Variants in ZSCAN31 observed in about 807,000 individuals in gnomAD.
ZSCAN31 encodes the protein zinc finger and SCAN domain-containing protein 31.
Under a neutral mutation model 22.5 loss-of-function variants are expected in ZSCAN31, and 14 were observed. The observed-to-expected ratio is 0.62, with a 90% CI of 0.41 to 0.97. The LOEUF (loss-of-function observed/expected upper bound fraction) is 0.97. Among genes scored for constraint, ZSCAN31 ranks in the 50% least tolerant of loss-of-function variants. The probability of loss-of-function intolerance (pLI) is 0.00; values close to 1 mark genes in which losing one functional copy is unlikely to be tolerated. For synonymous variants in ZSCAN31, 168 were observed against 169.8 expected, an observed-to-expected ratio of 0.99 and a Z score of 0.08; for missense variants, 424 against 483.4, an observed-to-expected ratio of 0.88 and a Z score of 1.15.
intron 2 of ZSCAN31, among the ~76,000 whole-genome samples, chr6:28,348,970 CAT>C (rs1401341115): frequency 2.9e-5 from 4 of 137,592 alleles, no homozygotes; most frequent in African/African-American, 1.1e-4. Context: ...GGTGTATATA[CAT>C]GTCTCATATA....
chr6:28,340,720 A>G (rs1764377906), upstream of ZSCAN31, among the ~76,000 whole-genome samples: 1 of 152,208 alleles, frequency 6.6e-6, no homozygotes, highest in Non-Finnish European at 1.5e-5. Context: ...GCCAGCTTAA[A>G]ATGATATTAT....
intron 2 of ZSCAN31, among the ~76,000 whole-genome samples, chr6:28,328,334 C>T (rs956674994): frequency 6.6e-6 from 1 of 152,166 alleles, no homozygotes; most frequent in Admixed American, 6.5e-5. Flanking sequence ...GTCTATTTCA[C>T]CCCAGCAGTC....
chr6:28,346,427 A>G (rs941834423), intron 2 of ZSCAN31, among the ~76,000 whole-genome samples: 6 of 139,672 alleles, frequency 4.3e-5, no homozygotes, highest in African/African-American at 1.6e-4. Flanking sequence ...GCGTGATCTC[A>G]GCTCACTACA....
In ZSCAN31 at chr6:28,326,031, C is replaced by T; in HGVS notation, c.*135G>A. Reference sequence around the variant, plus strand: ...AGAACAGAATAAGCCACTTGAAAATCTTACTTTCCAAGACGGCCCCATTTA... The same window carrying T: ...AGAACAGAATAAGCCACTTGAAAATTTTACTTTCCAAGACGGCCCCATTTA... On this transcript the variant is annotated 3_prime_UTR_variant, in exon 4 of 4. Coordinates refer to ENST00000344279, the MANE Select transcript of ZSCAN31 (RefSeq NM_030899.5). The T allele has an allele frequency of 3.7e-6, 3 of 808,646 alleles. No homozygotes were observed. Among genetic ancestry groups the T allele is most frequent in the Non-Finnish European group, 5.9e-6 (3 of 506,654 alleles). 50.1% of individuals were successfully genotyped at this position (808,646 alleles called of 1,614,324 possible). A position where few individuals can be genotyped will look rare whatever the true frequency, so the allele number is the denominator to read the frequency against.
At chr6:28,348,002 C>T (rs1280513784) in intron 2 of ZSCAN31, among the ~76,000 whole-genome samples, 1 of 151,980 alleles carries the variant, frequency 6.6e-6, no homozygotes, top group African/African-American at 2.4e-5. Context: ...ATTGGTCATT[C>T]GAGATTCCTC....
intron 2 of ZSCAN31, among the ~76,000 whole-genome samples, chr6:28,345,356 C>A (rs1263131163): frequency 3.9e-5 from 6 of 152,006 alleles, no homozygotes; most frequent in Non-Finnish European, 8.8e-5. Flanking sequence ...TTATATTAAC[C>A]AGCCTCCATC....
At chr6:28,341,384 A>G (rs1252397376) in intron 3 of ZSCAN31, among the ~76,000 whole-genome samples, 1 of 152,238 alleles carries the variant, frequency 6.6e-6, no homozygotes, top group African/African-American at 2.4e-5. Context: ...TCTACTTTAT[A>G]GATATGGTGC....
chr6:28,336,420 G>A (rs1056151598), upstream of ZSCAN31: 1 of 152,234 alleles, frequency 6.6e-6, no homozygotes, highest in Non-Finnish European at 1.5e-5. Context: ...TAGAGAGCGA[G>A]TAACAGGAGG....
chr6:28,328,278 G>T (rs1431227542), intron 2 of ZSCAN31, among the ~76,000 whole-genome samples: 1 of 152,132 alleles, frequency 6.6e-6, no homozygotes, highest in Non-Finnish European at 1.5e-5. Context: ...TATTAGGCGG[G>T]AATTTCCTCT....
chr6:28,352,606 C>A (rs1765113137), intron 2 of ZSCAN31, among the ~76,000 whole-genome samples: 1 of 152,182 alleles, frequency 6.6e-6, no homozygotes, highest in African/African-American at 2.4e-5. Flanking sequence ...CCCAGTGATT[C>A]TAATATGTAA....
In ZSCAN31 at chr6:28,329,631, T is replaced by C. The variant is rs1763592119; in HGVS notation, c.53A>G (p.Asp18Gly). ...GTGGGTTTCTTGGTCCCAGATAGGG[T>C]CTTCCTCCACTTTCACAATCTTAAG... ...YDLKIVKVEE[D>G]PIWDQETHLR... The change falls in exon 2 of 4, where the codon GAC (aspartate) becomes GGC (glycine). Residue 18 changes from aspartate (D) to glycine (G), a missense_variant. Coordinates refer to ENST00000344279, the MANE Select transcript of ZSCAN31 (RefSeq NM_030899.5). 6.2e-7 allele frequency: 1 copy of C among 1,613,992 alleles called. No individual in the cohort carries two copies. Among genetic ancestry groups the C allele is most frequent in the Non-Finnish European group, 8.5e-7 (1 of 1,180,020 alleles).
chr6:28,328,131 G>C (rs531322690), intron 2 of ZSCAN31, among the ~76,000 whole-genome samples: 78 of 152,376 alleles, frequency 5.1e-4, no homozygotes, highest in African/African-American at 1.7e-3. Context: ...CACAAGGCAA[G>C]TGGAGGCAGG....
chr6:28,348,498 T>C (rs955531782), intron 2 of ZSCAN31, among the ~76,000 whole-genome samples: 29 of 152,190 alleles, frequency 1.9e-4, no homozygotes, highest in African/African-American at 6.8e-4. Context: ...AGTAGCTCCT[T>C]TATTCCTCAC....
At chr6:28,337,019 C>T (rs1207154840), upstream of ZSCAN31, 2 of 152,162 alleles carry the variant, frequency 1.3e-5, no homozygotes, top group South Asian at 2.1e-4. Flanking sequence ...AAAATAAGTG[C>T]TTGTAAATCG....
At chr6:28,336,590 A>G (rs561960795), upstream of ZSCAN31, among the ~76,000 whole-genome samples, 6 of 150,840 alleles carry the variant, frequency 4.0e-5, no homozygotes, top group African/African-American at 9.8e-5. Flanking sequence ...AACTGTTTGG[A>G]CACTTTCCAA....
At chr6:28,328,370 AG>A (rs1021941607) in intron 2 of ZSCAN31, among the ~76,000 whole-genome samples, 6 of 152,310 alleles carry the variant, frequency 3.9e-5, no homozygotes, top group Non-Finnish European at 7.4e-5. Flanking sequence ...GGCTACGCCC[AG>A]GGGGGCCAGT....
chr6:28,348,891 CAT>C lies in ZSCAN31; in HGVS notation c.-371+4969_-371+4970del, dbSNP rs148948337. 3.6e-3 allele frequency among the ~76,000 whole-genome samples: 536 copies of C among 150,874 alleles called. 3 individuals carry two copies. The highest frequency in any genetic ancestry group is 0.013 in the East Asian group (64 of 5,096). ...CATGTCTCATATACAGGTGTATACA[CAT>C]GTCTTATATACATAGGTGTATATAC... On this transcript the variant is annotated intron_variant, in intron 2 of 7. Transcript: ENST00000396838.
chr6:28,353,891 C>T (rs1373780676), exon 2 of ZSCAN31: 1 of 456,328 alleles, frequency 2.2e-6, no homozygotes, highest in African/African-American at 2.0e-5. Flanking sequence ...AGGTTCCAGC[C>T]CATACTGAGG....
Position 28,349,174 on chromosome 6 carries a change from GGT to G in ZSCAN31, c.-371+4686_-371+4687del. On this transcript the variant is annotated intron_variant, in intron 2 of 7. Transcript: ENST00000396838. This position sits in a 1 kb window ranked among gnomAD's most constrained non-coding sequence, Gnocchi z 4.1. ...TGTATATATATGTCTCATATATATA[GGT>G]GTATATATATGTCTCATATATATAG... Among the ~76,000 whole-genome samples the G allele has an allele frequency of 1.9e-5, 1 of 53,758 alleles. No individual in the cohort carries two copies. Among genetic ancestry groups the G allele is most frequent in the Non-Finnish European group, 3.0e-5 (1 of 33,286 alleles). The allele number at this position is 53,758 out of a possible 152,430, so 35.3% of individuals were successfully genotyped here. A position where few individuals can be genotyped will look rare whatever the true frequency, so the allele number is the denominator to read the frequency against.
Sources: gnomAD v4.1 joint callset for allele counts (sites outside exome capture counted in the v4.1 genomes callset) on GRCh38, gnomAD v4.1.1 for gene constraint, Gnocchi (gnomAD v3.1) non-coding constraint, MANE v1.5 for transcripts, NCBI Gene and HGNC (gene_info 2026-07-23, HGNC 2026-07-21) for gene names.